ATAD2: variants seen among roughly 807,000 people sequenced by gnomAD.
The protein encoded by ATAD2 is ATPase family AAA domain containing 2.
In ATAD2, 62 loss-of-function variants were observed where a neutral mutation model predicts 168.9. That is an observed-to-expected ratio of 0.37 (90% CI 0.30 to 0.45). The LOEUF (loss-of-function observed/expected upper bound fraction) is 0.45, where lower values mean the gene tolerates loss of function less well. Ranked by LOEUF, ATAD2 falls within the 20% of genes least tolerant of loss-of-function variation. The pLI is 1.00. For missense variants in ATAD2, 1,419 were observed against 1,667.8 expected, an observed-to-expected ratio of 0.85 and a Z score of 2.60; for synonymous variants, 613 against 571.6, an observed-to-expected ratio of 1.07 and a Z score of -1.03.
intron 1 of ATAD2, among the ~76,000 whole-genome samples, chr8:123,404,830 G>A (rs1236581731): frequency 6.6e-6 from 1 of 152,040 alleles, no homozygotes; most frequent in South Asian, 2.1e-4. Flanking sequence ...GTGAGCCACC[G>A]CGCCCAGCCC....
At chr8:123,329,978 CTTCTTTTTTT>C (rs1193581686) in intron 24 of ATAD2, among the ~76,000 whole-genome samples, 1 of 93,348 alleles carries the variant, frequency 1.1e-5, no homozygotes, top group Non-Finnish European at 1.9e-5. Flanking sequence ...TCCCCAGTGG[CTTCTTTTTTT>C]TTTTTTTTTT....
intron 1 of ATAD2, among the ~76,000 whole-genome samples, chr8:123,410,865 T>C (rs561547317): frequency 5.3e-5 from 8 of 152,376 alleles, no homozygotes; most frequent in African/African-American, 1.2e-4. Flanking sequence ...GAGGCGCCCA[T>C]TGCCGCTCTG....
At chr8:123,346,553 C>A in intron 17 of ATAD2, 65 bp downstream of exon 17, 4 of 1,366,324 alleles carry the variant, frequency 2.9e-6, no homozygotes, top group South Asian at 1.6e-5. Flanking sequence ...TTTTTTCAAC[C>A]ACATCTCATT....
At chr8:123,399,034 G>A (rs1322357702), upstream of ATAD2, among the ~76,000 whole-genome samples, 6 of 152,192 alleles carry the variant, frequency 3.9e-5, no homozygotes, top group African/African-American at 1.4e-4. Context: ...AGGCCGAGGT[G>A]GGCAGATCAC....
At chr8:123,392,714 AAAG>A (rs1453699298) in intron 1 of ATAD2, among the ~76,000 whole-genome samples, 8 of 152,276 alleles carry the variant, frequency 5.3e-5, no homozygotes, top group Non-Finnish European at 8.8e-5. Context: ...CCCTGGTATT[AAAG>A]AAGCAGCTAT....
Position 123,328,295 on chromosome 8 carries a change from A to T in ATAD2, c.3763T>A (p.Ser1255Thr). The stretch of plus-strand genomic sequence containing the variant: ...TCTGTACATGCTGTAGTCTTCCTAG[A>T]GTCTTCAAGCTCATTCTCTATATTA... ...TCNIENELED[S>T]RKTTACTELR... is the part of the protein sequence containing the mutation. The change falls in exon 25 of 28, where the codon TCT (serine) becomes ACT (threonine). Residue 1255 changes from serine to threonine, a missense_variant. This residue lies in a region of ATAD2 where 303 missense variants were observed against 304.3 expected (regional missense o/e 1.00). Coordinates refer to ENST00000287394, the MANE Select transcript of ATAD2 (RefSeq NM_014109.4). 1 of 1,602,406 alleles carries T rather than the reference A, an allele frequency of 6.2e-7. No individual in the cohort carries two copies. The highest frequency in any genetic ancestry group is 8.5e-7 in the Non-Finnish European group (1 of 1,175,856).
At chr8:123,322,583 C>T (rs1352572320) in intron 27 of ATAD2, among the ~76,000 whole-genome samples, 5 of 152,052 alleles carry the variant, frequency 3.3e-5, no homozygotes, top group African/African-American at 4.8e-5. Flanking sequence ...GCAGGAGGAT[C>T]GCTTGAACCT....
At chr8:123,410,763 G>C (rs936965329) in intron 1 of ATAD2, among the ~76,000 whole-genome samples, 4 of 152,002 alleles carry the variant, frequency 2.6e-5, no homozygotes, top group African/African-American at 7.3e-5. Flanking sequence ...TTCGCTCGCC[G>C]TCCACCACTG....
chr8:123,323,944 T>C (rs770282332), intron 26 of ATAD2, among the ~76,000 whole-genome samples: 20 of 152,220 alleles, frequency 1.3e-4, no homozygotes, highest in Non-Finnish European at 2.2e-4. Context: ...CATACATGTA[T>C]ACTGAGCAGA....
At chr8:123,394,983 G>A (rs187334456) in intron 1 of ATAD2, among the ~76,000 whole-genome samples, 2 of 152,240 alleles carry the variant, frequency 1.3e-5, no homozygotes, top group African/African-American at 4.8e-5. Context: ...AAAGATACTG[G>A]CAACTAATTT....
At chr8:123,384,937 C>A (rs1422837838) in intron 1 of ATAD2, among the ~76,000 whole-genome samples, 1 of 152,174 alleles carries the variant, frequency 6.6e-6, no homozygotes, top group East Asian at 1.9e-4. Flanking sequence ...AAGGCTCAGA[C>A]ATTTTTCTTA....
intron 1 of ATAD2, among the ~76,000 whole-genome samples, chr8:123,414,522 G>A (rs1349657790): frequency 3.3e-5 from 5 of 152,168 alleles, no homozygotes; most frequent in African/African-American, 1.2e-4. Flanking sequence ...TACTCAGGAG[G>A]CTGAGGCTGG....
intron 13 of ATAD2, among the ~76,000 whole-genome samples, 169 bp from the exon 14 acceptor site, chr8:123,349,613 T>C (rs944280879): frequency 2.0e-5 from 3 of 152,056 alleles, no homozygotes; most frequent in African/African-American, 7.2e-5. Flanking sequence ...ACATCCCAAA[T>C]GGCCCACAGA....
intron 7 of ATAD2, 26 bp from the exon 8 acceptor site, chr8:123,369,201 A>ATT: frequency 1.2e-6 from 1 of 811,864 alleles, no homozygotes; most frequent in Non-Finnish European, 1.7e-6. Flanking sequence ...ATATATATAT[A>ATT]TTTGTATATA....
upstream of ATAD2, among the ~76,000 whole-genome samples, chr8:123,397,632 C>T (rs1031929109): frequency 1.3e-5 from 2 of 152,190 alleles, no homozygotes; most frequent in Admixed American, 1.3e-4. Flanking sequence ...TTGTTAAATA[C>T]ATATTGAGCC....
At position 123,401,591 on chromosome 8, in the gene ATAD2, T is replaced by G; in HGVS notation, c.-2281-416A>C. 3 of 1,327,688 alleles carry G rather than the reference T, an allele frequency of 2.3e-6. No homozygotes were observed. In the Admixed American group the frequency reaches 5.4e-5, roughly 24 times the overall value. The allele number at this position is 1,327,688 out of a possible 1,614,324, so 82.2% of individuals were successfully genotyped here. On this transcript the variant is annotated intron_variant, in intron 1 of 28. Coordinates refer to the ATAD2 transcript ENST00000521903. The stretch of plus-strand genomic sequence containing the variant: ...TCACCCAGGAAGTGATGGCATGTGG[T>G]TGCCCCCAGGGCACTGTGTGTACAA...
At chr8:123,360,737 A>T (rs1474217196) in intron 9 of ATAD2, among the ~76,000 whole-genome samples, 1 of 152,036 alleles carries the variant, frequency 6.6e-6, no homozygotes, top group Admixed American at 6.6e-5. Flanking sequence ...AAAAGAATCC[A>T]AGCACCTAAG....
At chr8:123,327,708 T>C (rs1253961167) in intron 25 of ATAD2, among the ~76,000 whole-genome samples, 1 of 152,168 alleles carries the variant, frequency 6.6e-6, no homozygotes, top group African/African-American at 2.4e-5. Flanking sequence ...AGCAGATCAG[T>C]AGAATAAATA....
rs183748141 is a variant in ATAD2 at position 123,389,177 on chromosome 8, C to T, written c.171+7010G>A. On this transcript the variant is annotated intron_variant, in intron 1 of 27. Coordinates refer to ENST00000287394, the MANE Select transcript of ATAD2 (RefSeq NM_014109.4). ...ATTTTTAGTAGAAATGTGGTTTCAC[C>T]GTGTTAGCCAGGATGGTCTCGATCT... Among the ~76,000 whole-genome samples, 820 of 143,826 alleles carry T rather than the reference C, an allele frequency of 5.7e-3. 4 individuals are homozygous for T. The highest frequency in any genetic ancestry group is 0.02 in the African/African-American group (767 of 39,128). 94.4% of individuals were successfully genotyped at this position (143,826 alleles called of 152,430 possible). A position where few individuals can be genotyped will look rare whatever the true frequency, so the allele number is the denominator to read the frequency against.
Sources: gnomAD v4.1 joint callset for allele counts (sites outside exome capture counted in the v4.1 genomes callset) on GRCh38, gnomAD v4.1.1 for gene constraint, gnomAD v4.1.1 regional missense constraint, MANE v1.5 for transcripts, NCBI Gene and HGNC (gene_info 2026-07-23, HGNC 2026-07-21) for gene names.